Variants in DENND5B observed in about 807,000 individuals in gnomAD.
The protein encoded by DENND5B is DENN domain containing 5B, also known as DENN domain-containing protein 5B.
DENND5B carries 34 observed loss-of-function variants against 140.6 expected under a neutral mutation model. The observed-to-expected ratio is 0.24, with a 90% confidence interval of 0.18 to 0.32. DENND5B has a LOEUF of 0.32. Ranked by LOEUF, DENND5B falls within the 10% of genes least tolerant of loss-of-function variation. DENND5B has a pLI of 1.00. For missense variants in DENND5B, 1,142 were observed against 1,560.2 expected, an observed-to-expected ratio of 0.73 and a Z score of 4.52; for synonymous variants, 551 against 562.1, an observed-to-expected ratio of 0.98 and a Z score of 0.28.
chr12:31,580,864 G>C (rs1487712415), intron 1 of DENND5B, among the ~76,000 whole-genome samples: 1 of 152,162 alleles, frequency 6.6e-6, no homozygotes, highest in Non-Finnish European at 1.5e-5. Flanking sequence ...CCAGCACTTT[G>C]AGAGGCCAAG....
intron 3 of DENND5B, among the ~76,000 whole-genome samples, chr12:31,477,013 G>C (rs1347723657): frequency 6.6e-6 from 1 of 152,020 alleles, no homozygotes; most frequent in Non-Finnish European, 1.5e-5. Flanking sequence ...TGGATCATGA[G>C]GTCAGGAGTT....
chr12:31,426,532 A>G, intron 8 of DENND5B, 108 bp from the exon 9 acceptor site: 1 of 1,272,042 alleles, frequency 7.9e-7, no homozygotes. Context: ...AAAAGTCCGT[A>G]AGTGTATGTG....
At chr12:31,387,894 A>G (rs1181578071) in intron 20 of DENND5B, 108 bp from the exon 21 acceptor site, 8 of 1,144,100 alleles carry the variant, frequency 7.0e-6, no homozygotes, top group Non-Finnish European at 9.8e-6. Flanking sequence ...GATGGTACAA[A>G]ATGTATCCAA....
intron 3 of DENND5B, among the ~76,000 whole-genome samples, chr12:31,469,561 G>A (rs184601733): frequency 1.2e-4 from 19 of 152,220 alleles, no homozygotes; most frequent in African/African-American, 4.3e-4. Flanking sequence ...ATCATTCTGG[G>A]AATTTATAGA....
chr12:31,587,059 T>G (rs908976297), intron 1 of DENND5B, among the ~76,000 whole-genome samples: 1 of 152,110 alleles, frequency 6.6e-6, no homozygotes, highest in Non-Finnish European at 1.5e-5. Context: ...CTCGGTTGCC[T>G]CCTCCTCCTC....
chr12:31,578,391 AGACT>A (rs1427386043), intron 1 of DENND5B, among the ~76,000 whole-genome samples: 2 of 152,256 alleles, frequency 1.3e-5, no homozygotes, highest in Non-Finnish European at 2.9e-5. Context: ...TAAAGCAAAC[AGACT>A]GACTACTTCT....
chr12:31,506,618 G>A (rs1947213562), intron 1 of DENND5B, among the ~76,000 whole-genome samples: 1 of 152,184 alleles, frequency 6.6e-6, no homozygotes, highest in Non-Finnish European at 1.5e-5. Flanking sequence ...CAGGCTACCT[G>A]CACTTCTAAC....
chr12:31,502,799 TCTC>T (rs1293716712), intron 1 of DENND5B, among the ~76,000 whole-genome samples: 4 of 151,954 alleles, frequency 2.6e-5, no homozygotes, highest in Admixed American at 1.3e-4. Context: ...TTTCATACTC[TCTC>T]CTCAACAAAA....
intron 8 of DENND5B, among the ~76,000 whole-genome samples, chr12:31,428,884 A>C (rs1450361293): frequency 6.6e-6 from 1 of 152,172 alleles, no homozygotes; most frequent in African/African-American, 2.4e-5. Context: ...GGCGTCTGCC[A>C]CCACACCCGG....
chr12:31,590,727 G>A lies in DENND5B; in HGVS notation c.106C>T (p.Leu36=). Residue 36 remains leucine, a synonymous_variant, in exon 1 of 21, where the codon CTG becomes TTG. Transcript: ENST00000389082. The stretch of plus-strand genomic sequence containing the variant: ...TTACCCGCCAGCTCGTCAGGCTCCA[G>A]CCCGCTGTCCGCGTCGATCCCGCAC... ...VLCGIDADSG[L]EPDELAGENF... is the part of the protein sequence containing the mutation. 6.8e-7 allele frequency: 1 copy of A among 1,476,726 alleles called. No individual in the cohort carries two copies. The highest frequency in any genetic ancestry group is 8.9e-7 in the Non-Finnish European group (1 of 1,119,884). The allele number at this position is 1,476,726 out of a possible 1,614,324, so 91.5% of individuals were successfully genotyped here. A position where few individuals can be genotyped will look rare whatever the true frequency, so the allele number is the denominator to read the frequency against.
intron 1 of DENND5B, among the ~76,000 whole-genome samples, chr12:31,568,413 C>T (rs1473042534): frequency 6.6e-6 from 1 of 152,218 alleles, no homozygotes; most frequent in Non-Finnish European, 1.5e-5. Context: ...CCACTTCCCT[C>T]CCTCTTCTAC....
chr12:31,389,661 A>C (rs1941024908), intron 19 of DENND5B, among the ~76,000 whole-genome samples, 163 bp from the exon 20 acceptor site: 1 of 152,212 alleles, frequency 6.6e-6, no homozygotes, highest in Non-Finnish European at 1.5e-5. Flanking sequence ...TCGATGTTTC[A>C]TGGTAGAACA....
chr12:31,455,550 A>G (rs1426703792), intron 4 of DENND5B, among the ~76,000 whole-genome samples: 1 of 152,250 alleles, frequency 6.6e-6, no homozygotes, highest in Non-Finnish European at 1.5e-5. Context: ...GGGCATTCTG[A>G]TAAGTTGCTT....
chr12:31,441,031 T>C (rs1206021141), intron 7 of DENND5B, among the ~76,000 whole-genome samples: 1 of 152,002 alleles, frequency 6.6e-6, no homozygotes, highest in East Asian at 1.9e-4. Flanking sequence ...CCACCATGCC[T>C]GGCCTAATTT....
At chr12:31,511,531 T>C in intron 1 of DENND5B, among the ~76,000 whole-genome samples, 1 of 116,278 alleles carries the variant, frequency 8.6e-6, no homozygotes, top group East Asian at 2.7e-4. Context: ...TACGTGAATA[T>C]GATGTCTTTT....
chr12:31,501,500 G>A (rs140181441), intron 1 of DENND5B, among the ~76,000 whole-genome samples: 5 of 152,324 alleles, frequency 3.3e-5, no homozygotes, highest in African/African-American at 7.2e-5. Flanking sequence ...GAGGCCGGGC[G>A]CAGTGGCTCA....
chr12:31,395,757 A>G (rs1941408577), intron 17 of DENND5B, among the ~76,000 whole-genome samples: 1 of 152,084 alleles, frequency 6.6e-6, no homozygotes, highest in South Asian at 2.1e-4. Flanking sequence ...TTGTGGTTAT[A>G]ATCTATAGAT....
chr12:31,554,645 CAG>C (rs1949207759), intron 1 of DENND5B, among the ~76,000 whole-genome samples: 1 of 152,146 alleles, frequency 6.6e-6, no homozygotes, highest in Non-Finnish European at 1.5e-5. Context: ...CTATATCCTG[CAG>C]AGTGTTTTCC....
At chr12:31,567,472 AGCCAAGATCGT>A (rs373010254) in intron 1 of DENND5B, among the ~76,000 whole-genome samples, 52 of 147,282 alleles carry the variant, frequency 3.5e-4, no homozygotes, top group African/African-American at 1.2e-3. Context: ...GGTTGCAGTG[AGCCAAGATCGT>A]GCCACTGCAC....
Sources: gnomAD v4.1 joint callset for allele counts (sites outside exome capture counted in the v4.1 genomes callset) on GRCh38, gnomAD v4.1.1 for gene constraint, MANE v1.5 for transcripts, NCBI Gene and HGNC (gene_info 2026-07-23, HGNC 2026-07-21) for gene names.